Variants in LHFPL3 observed in about 807,000 individuals in gnomAD.
The protein encoded by LHFPL3 is LHFPL tetraspan subfamily member 3.
A neutral mutation model predicts 19.3 loss-of-function variants in LHFPL3; 5 were observed. The ratio of observed to expected loss-of-function variants is 0.26; its 90% CI spans 0.14 to 0.54. The LOEUF is 0.54. Ranked by LOEUF, LHFPL3 falls within the 20% of genes least tolerant of loss-of-function variation. The pLI, the probability that LHFPL3 is intolerant of heterozygous loss-of-function variation, is 0.94. For missense variants in LHFPL3, 249 were observed against 307.4 expected (o/e 0.81, Z 1.42); for synonymous variants, 133 against 126.2 (o/e 1.05, Z -0.36).
intron 1 of LHFPL3, among the ~76,000 whole-genome samples, chr7:104,559,289 A>G (rs1789932418): frequency 6.8e-6 from 1 of 146,544 alleles, no homozygotes; most frequent in Non-Finnish European, 1.5e-5. Flanking sequence ...CATTTTCACA[A>G]TATTGATTCT....
At chr7:104,617,168 T>C (rs1035313064) in intron 1 of LHFPL3, among the ~76,000 whole-genome samples, 1 of 152,198 alleles carries the variant, frequency 6.6e-6, no homozygotes, top group Admixed American at 6.5e-5. Context: ...CCCAAAGGAT[T>C]ATAAATCATT....
intron 1 of LHFPL3, among the ~76,000 whole-genome samples, chr7:104,467,436 T>C (rs76029260): frequency 0.026 from 3,987 of 152,054 alleles, 153 homozygotes; most frequent in African/African-American, 0.092. Context: ...TTTGCAAGAG[T>C]GTTGAGGAAA....
chr7:104,383,982 T>C (rs1377047986), intron 1 of LHFPL3, among the ~76,000 whole-genome samples: 1 of 152,216 alleles, frequency 6.6e-6, no homozygotes, highest in African/African-American at 2.4e-5. Context: ...AAGTTTAGTG[T>C]ACCTGACTAT....
chr7:104,714,566 C>T (rs1298818855), intron 1 of LHFPL3, among the ~76,000 whole-genome samples: 1 of 151,050 alleles, frequency 6.6e-6, no homozygotes, highest in Non-Finnish European at 1.5e-5. Flanking sequence ...GTCAGTGCCT[C>T]GGAGTTCATA....
intron 1 of LHFPL3, among the ~76,000 whole-genome samples, chr7:104,623,750 G>A (rs888607985): frequency 3.9e-5 from 6 of 152,236 alleles, no homozygotes; most frequent in Non-Finnish European, 5.9e-5. Context: ...GGAGAAGCAA[G>A]GTTCCTGGCC....
chr7:104,862,673 A>G (rs185380488), intron 2 of LHFPL3, among the ~76,000 whole-genome samples: 232 of 152,058 alleles, frequency 1.5e-3, no homozygotes, highest in Non-Finnish European at 2.2e-3. Flanking sequence ...AGATCCAGCT[A>G]CCCCTCACCC....
intron 1 of LHFPL3, among the ~76,000 whole-genome samples, chr7:104,590,092 T>C (rs1372960980): frequency 6.6e-6 from 1 of 152,090 alleles, no homozygotes; most frequent in Non-Finnish European, 1.5e-5. Flanking sequence ...TTTTGAAGGG[T>C]TTTTTGTGTC....
intron 1 of LHFPL3, among the ~76,000 whole-genome samples, chr7:104,447,224 T>C (rs2116593497): frequency 6.6e-6 from 1 of 152,276 alleles, no homozygotes; most frequent in African/African-American, 2.4e-5. Context: ...GTGGGGACTT[T>C]GCTATGTTGT....
At chr7:104,507,013 T>C (rs376243537) in intron 1 of LHFPL3, among the ~76,000 whole-genome samples, 1 of 152,232 alleles carries the variant, frequency 6.6e-6, no homozygotes, top group Non-Finnish European at 1.5e-5. Context: ...TAAGAAAGTT[T>C]TTTTTAGAAG....
At chr7:104,777,905 T>C (rs1218698790) in intron 2 of LHFPL3, among the ~76,000 whole-genome samples, 3 of 152,132 alleles carry the variant, frequency 2.0e-5, no homozygotes, top group Non-Finnish European at 4.4e-5. Context: ...AAGTAAGTCA[T>C]TTAGGCAGCC....
At chr7:104,471,959 C>T (rs562170144) in intron 1 of LHFPL3, among the ~76,000 whole-genome samples, 1 of 152,226 alleles carries the variant, frequency 6.6e-6, no homozygotes, top group African/African-American at 2.4e-5. Flanking sequence ...AGGAGGATTG[C>T]TTGGCCCCAG....
chr7:104,868,260 A>C (rs551235718), intron 2 of LHFPL3, among the ~76,000 whole-genome samples: 1 of 152,126 alleles, frequency 6.6e-6, no homozygotes, highest in Non-Finnish European at 1.5e-5. Context: ...AATAAAGGGT[A>C]TTCAATTAGG....
chr7:104,336,191 C>T (rs1423950104), intron 1 of LHFPL3, among the ~76,000 whole-genome samples: 1 of 151,920 alleles, frequency 6.6e-6, no homozygotes, highest in East Asian at 1.9e-4. Flanking sequence ...GACCTTTATT[C>T]TTAATAATAA....
intron 1 of LHFPL3, among the ~76,000 whole-genome samples, chr7:104,395,150 A>T (rs772923067): frequency 3.9e-5 from 6 of 152,144 alleles, no homozygotes; most frequent in Non-Finnish European, 7.4e-5. Flanking sequence ...TGGTCAGTTT[A>T]CAAAATCTTA....
intron 2 of LHFPL3, among the ~76,000 whole-genome samples, chr7:104,863,669 C>A (rs1340061593): frequency 4.6e-5 from 7 of 152,218 alleles, no homozygotes; most frequent in African/African-American, 1.7e-4. Flanking sequence ...AATTTGTTGT[C>A]CCCATTGTAG....
intron 1 of LHFPL3, among the ~76,000 whole-genome samples, chr7:104,374,557 A>C (rs1025881705): frequency 2.0e-5 from 3 of 152,156 alleles, no homozygotes; most frequent in Non-Finnish European, 4.4e-5. Context: ...ATGTATATTA[A>C]AGTTTCCTTG....
chr7:104,598,034 C>T (rs1260864355), intron 1 of LHFPL3, among the ~76,000 whole-genome samples: 1 of 152,026 alleles, frequency 6.6e-6, no homozygotes, highest in African/African-American at 2.4e-5. Flanking sequence ...TGCTGTTTTA[C>T]AAAAATTTTA....
rs1331085384 is a variant in LHFPL3, at chr7:104,772,533, C to A, written c.682+35622C>A. On this transcript the variant is annotated intron_variant, in intron 2 of 2. Coordinates refer to ENST00000424859, the MANE Select transcript of LHFPL3 (RefSeq NM_199000.3). ...AGCAGTCACAGCAGTCACAGCAGTG[C>A]CCTTTCTTATTCTGATGCCACCCCA... Among the ~76,000 whole-genome samples, 4 of 152,308 alleles carry A rather than the reference C, an allele frequency of 2.6e-5. No homozygotes were observed. The South Asian group carries it at 6.2e-4, about 24-fold the overall frequency.
At position 104,694,728 on chromosome 7, in the gene LHFPL3, T is replaced by A. The variant is rs548667906; in HGVS notation, c.446-41947T>A. Among the ~76,000 whole-genome samples, 9 of 152,246 alleles carry A rather than the reference T, an allele frequency of 5.9e-5. No homozygotes were observed. The South Asian group carries it at 1.7e-3, about 28-fold the overall frequency. On this transcript the variant is annotated intron_variant, in intron 1 of 2. Transcript: ENST00000424859. ...GTATCATACAGGCAGTAAAAGAATTTACCAAGAAAGTTGGAGGTAAAGAAA... is the reference window on the plus strand; with the variant it reads ...GTATCATACAGGCAGTAAAAGAATTAACCAAGAAAGTTGGAGGTAAAGAAA...
Sources: gnomAD v4.1 joint callset for allele counts (sites outside exome capture counted in the v4.1 genomes callset) on GRCh38, gnomAD v4.1.1 for gene constraint, MANE v1.5 for transcripts, NCBI Gene and HGNC (gene_info 2026-07-23, HGNC 2026-07-21) for gene names.